HACE1: variants seen among roughly 807,000 people sequenced by gnomAD.
HACE1 encodes the protein HECT domain and ankyrin repeat containing E3 ubiquitin protein ligase 1, also known as E3 ubiquitin-protein ligase HACE1.
HACE1 carries 73 observed loss-of-function variants against 118.4 expected under a neutral mutation model. The observed-to-expected ratio is 0.62, with a 90% CI of 0.51 to 0.75. HACE1 has a LOEUF of 0.75. Among genes scored for constraint, HACE1 ranks in the 30% least tolerant of loss-of-function variants. The pLI is 0.00. For synonymous variants in HACE1, 368 were observed against 374.8 expected, an observed-to-expected ratio of 0.98 and a Z score of 0.21; for missense variants, 749 against 1,102.2, an observed-to-expected ratio of 0.68 and a Z score of 4.54.
chr6:104,765,339 C>G (rs576059345), intron 19 of HACE1, among the ~76,000 whole-genome samples: 33 of 152,306 alleles, frequency 2.2e-4, no homozygotes, highest in Non-Finnish European at 4.1e-4. Flanking sequence ...CAGGCTTTTG[C>G]CTATCATGGC....
chr6:104,757,190 T>C (rs1429444237), intron 19 of HACE1, among the ~76,000 whole-genome samples: 3 of 152,216 alleles, frequency 2.0e-5, no homozygotes, highest in Non-Finnish European at 4.4e-5. Context: ...CATCCCTGCC[T>C]GACAGCTCTG....
chr6:104,858,458 T>TG, intron 1 of HACE1: 1 of 385,614 alleles, frequency 2.6e-6, no homozygotes, highest in Admixed American at 3.1e-5. Context: ...CCCAACACTT[T>TG]GGGGGGAGCA....
chr6:104,763,265 A>G (rs1394950583), intron 19 of HACE1, among the ~76,000 whole-genome samples: 1 of 152,172 alleles, frequency 6.6e-6, no homozygotes, highest in Admixed American at 6.5e-5. Context: ...ACCTGTTTTA[A>G]AAGTTTTCAG....
chr6:104,842,406 C>G (rs1260317747), intron 5 of HACE1: 5 of 152,110 alleles, frequency 3.3e-5, no homozygotes, highest in African/African-American at 1.2e-4. Context: ...GAGTTCAAGA[C>G]CAGCCTGGCC....
chr6:104,846,304 T>A (rs137863013), intron 4 of HACE1, among the ~76,000 whole-genome samples: 1 of 152,156 alleles, frequency 6.6e-6, no homozygotes, highest in African/African-American at 2.4e-5. Flanking sequence ...CATAATCACC[T>A]AAAAAATAAA....
chr6:104,798,621 G>A (rs577472302), intron 7 of HACE1, among the ~76,000 whole-genome samples: 55 of 152,152 alleles, frequency 3.6e-4, no homozygotes, highest in Non-Finnish European at 7.6e-4. Flanking sequence ...CCGGCATCAA[G>A]CAAGAAGTCC....
intron 7 of HACE1, among the ~76,000 whole-genome samples, chr6:104,799,616 T>C (rs190818912): frequency 1.3e-5 from 2 of 152,318 alleles, no homozygotes; most frequent in African/African-American, 4.8e-5. Context: ...AGATGAACAG[T>C]TACATGGCAG....
intron 20 of HACE1, among the ~76,000 whole-genome samples, chr6:104,747,374 C>G (rs994972517): frequency 9.2e-5 from 14 of 152,220 alleles, no homozygotes; most frequent in African/African-American, 3.4e-4. Context: ...GACTACACCT[C>G]CAGTTCAGTA....
intron 6 of HACE1, among the ~76,000 whole-genome samples, chr6:104,825,536 T>C (rs1365463778): frequency 6.6e-6 from 1 of 152,162 alleles, no homozygotes; most frequent in Non-Finnish European, 1.5e-5. Flanking sequence ...AAGTGCAACT[T>C]TGTAACTTCA....
intron 19 of HACE1, among the ~76,000 whole-genome samples, chr6:104,755,783 G>A (rs930027516): frequency 6.6e-6 from 1 of 152,190 alleles, no homozygotes; most frequent in Non-Finnish European, 1.5e-5. Context: ...CTAAAGCAGT[G>A]TTAAGAGGGA....
At chr6:104,786,139 A>T (rs563868704) in intron 11 of HACE1, 82 of 152,230 alleles carry the variant, frequency 5.4e-4, no homozygotes, top group African/African-American at 1.9e-3. Flanking sequence ...ATTCGAGATC[A>T]GCCTGGCCAA....
intron 18 of HACE1, 125 bp downstream of exon 18, chr6:104,771,800 T>C: frequency 1.4e-6 from 1 of 711,060 alleles, no homozygotes. Flanking sequence ...GGCTTACATA[T>C]ACAGATGGGC....
chr6:104,765,267 G>T (rs1041439654), intron 19 of HACE1, among the ~76,000 whole-genome samples: 1 of 152,176 alleles, frequency 6.6e-6, no homozygotes, highest in African/African-American at 2.4e-5. Flanking sequence ...GGTGATCCAT[G>T]CCTTTTTGCT....
At chr6:104,855,188 T>C (rs1776598183) in intron 1 of HACE1, among the ~76,000 whole-genome samples, 1 of 152,210 alleles carries the variant, frequency 6.6e-6, no homozygotes, top group Non-Finnish European at 1.5e-5. Context: ...CTCACGCCTG[T>C]AATCCCAGCA....
chr6:104,735,592 G>C (rs1775733535), intron 22 of HACE1, among the ~76,000 whole-genome samples: 2 of 151,570 alleles, frequency 1.3e-5, no homozygotes, highest in Admixed American at 6.6e-5. Context: ...GATGGCGCCA[G>C]TGCACTCCAG....
intron 14 of HACE1, 75 bp downstream of exon 14, chr6:104,784,011 A>G (rs545314218): frequency 1.9e-5 from 15 of 787,224 alleles, no homozygotes; most frequent in Non-Finnish European, 2.9e-5. Flanking sequence ...TGTAATAATT[A>G]TTCCACTAAA....
chr6:104,807,914 C>T (rs945843531), intron 7 of HACE1, among the ~76,000 whole-genome samples: 6 of 152,240 alleles, frequency 3.9e-5, no homozygotes, highest in East Asian at 1.9e-4. Flanking sequence ...GGGCCAGGCA[C>T]GGTGGCTCAC....
intron 19 of HACE1, among the ~76,000 whole-genome samples, chr6:104,763,508 T>C (rs1779634509): frequency 1.3e-5 from 2 of 152,130 alleles, no homozygotes; most frequent in Admixed American, 1.3e-4. Context: ...CTGTGGTTGT[T>C]TGACATCACC....
intron 1 of HACE1, 200 bp downstream of exon 1, chr6:104,859,367 G>A: frequency 1.9e-6 from 1 of 522,564 alleles, no homozygotes; most frequent in South Asian, 2.4e-5. Flanking sequence ...GTTTCCTCCC[G>A]AAAACTCCCA....
Sources: allele counts gnomAD v4.1 joint callset (sites outside exome capture counted in the v4.1 genomes callset), GRCh38; gene constraint gnomAD v4.1.1; transcripts MANE v1.5; gene names NCBI Gene and HGNC (gene_info 2026-07-23, HGNC 2026-07-21).